Variants in SPOCK3 observed in about 807,000 individuals in gnomAD.
SPOCK3 encodes SPARC (osteonectin), cwcv and kazal like domains proteoglycan 3.
In SPOCK3, 30 loss-of-function variants were observed where a neutral mutation model predicts 56.6. The observed-to-expected ratio is 0.53, with a 90% CI of 0.40 to 0.72. The LOEUF is 0.72. SPOCK3 is among the 30% of genes least tolerant of loss of function. The pLI is 0.00. For missense variants in SPOCK3, 527 were observed against 530.0 expected (o/e 0.99, Z 0.06); for synonymous variants, 196 against 183.3 (o/e 1.07, Z -0.56).
chr4:166,775,006 C>A (rs1739369124), intron 7 of SPOCK3, among the ~76,000 whole-genome samples: 1 of 152,016 alleles, frequency 6.6e-6, no homozygotes, highest in Admixed American at 6.6e-5. Flanking sequence ...GAGTCAGAAA[C>A]CTTGGGAGGG....
intron 3 of SPOCK3, among the ~76,000 whole-genome samples, chr4:167,012,322 T>C (rs527665738): frequency 7.8e-4 from 119 of 151,972 alleles, no homozygotes; most frequent in Non-Finnish European, 1.4e-3. Flanking sequence ...AAAAGTTGTA[T>C]ATGTAAAAAT....
At position 167,059,991 on chromosome 4, in the gene SPOCK3, G is replaced by T. The variant is rs1755403439; in HGVS notation, c.235+2501C>A. Among the ~76,000 whole-genome samples, 5 of 151,146 alleles carry T rather than the reference G, an allele frequency of 3.3e-5. No homozygotes were observed. The South Asian group carries it at 1.1e-3, about 32-fold the overall frequency. ...CACAGGAAGGGGAACATCTCACTCT[G>T]GGACTGTTGTGGGGTGGGGGGAGTG... On this transcript the variant is annotated intron_variant, in intron 3 of 10. Transcript: ENST00000357545.
rs191699614 is a variant in SPOCK3 at position 167,186,837 on chromosome 4, C to T, written c.189+47148G>A. 5.9e-3 allele frequency among the ~76,000 whole-genome samples: 898 copies of T among 151,260 alleles called. 8 individuals carry two copies. Among genetic ancestry groups the T allele is most frequent in the African/African-American group, 0.02 (839 of 41,194 alleles). On this transcript the variant is annotated intron_variant, in intron 2 of 10. Coordinates refer to ENST00000357545, the MANE Select transcript of SPOCK3 (RefSeq NM_001040159.2). ...ACTAAAAATACAAAAATTAGCTGGG[C>T]GTGGTGGCACATGCCTGCAGTCCTA...
At chr4:166,969,999 A>G (rs1180329710) in intron 4 of SPOCK3, among the ~76,000 whole-genome samples, 2 of 152,228 alleles carry the variant, frequency 1.3e-5, no homozygotes, top group Non-Finnish European at 2.9e-5. Context: ...TGACCACATG[A>G]ATTTAGAAGT....
intron 3 of SPOCK3, among the ~76,000 whole-genome samples, chr4:167,002,518 G>A (rs1749043569): frequency 6.6e-6 from 1 of 151,986 alleles, no homozygotes; most frequent in South Asian, 2.1e-4. Context: ...TCCATACTAA[G>A]ATAATTTTTT....
chr4:166,847,856 A>G (rs1748265726), intron 6 of SPOCK3, among the ~76,000 whole-genome samples: 1 of 151,830 alleles, frequency 6.6e-6, no homozygotes, highest in Non-Finnish European at 1.5e-5. Flanking sequence ...TAAAGTTTTG[A>G]TAATTCAGAT....
chr4:167,017,245 G>A (rs530208037), intron 3 of SPOCK3, among the ~76,000 whole-genome samples: 1 of 152,202 alleles, frequency 6.6e-6, no homozygotes, highest in Non-Finnish European at 1.5e-5. Flanking sequence ...GTTACCATTT[G>A]TACAGTAACA....
intron 7 of SPOCK3, among the ~76,000 whole-genome samples, chr4:166,764,031 C>A (rs372597740): frequency 6.6e-6 from 1 of 151,918 alleles, no homozygotes; most frequent in Non-Finnish European, 1.5e-5. Context: ...AGTATTGGGG[C>A]CTTTGATGGT....
chr4:167,018,486 C>A (rs756747167), intron 3 of SPOCK3, among the ~76,000 whole-genome samples: 4 of 152,100 alleles, frequency 2.6e-5, no homozygotes, highest in East Asian at 1.9e-4. Flanking sequence ...TATAGCCATT[C>A]GCCCAGAATA....
chr4:167,128,296 C>A (rs921049748), intron 2 of SPOCK3, among the ~76,000 whole-genome samples: 4 of 152,164 alleles, frequency 2.6e-5, no homozygotes, highest in Admixed American at 6.5e-5. Flanking sequence ...AAAGTTAGTT[C>A]TTTTATTGCC....
At chr4:167,182,784 C>T (rs1296395425) in intron 2 of SPOCK3, among the ~76,000 whole-genome samples, 3 of 152,172 alleles carry the variant, frequency 2.0e-5, no homozygotes, top group Admixed American at 1.3e-4. Context: ...GATCTGCCCG[C>T]CTCAGCCTCC....
At chr4:166,817,831 T>A (rs985522720) in intron 6 of SPOCK3, among the ~76,000 whole-genome samples, 10 of 152,000 alleles carry the variant, frequency 6.6e-5, no homozygotes, top group Non-Finnish European at 1.2e-4. Context: ...ATTAAGAAAC[T>A]GTGACAGTGA....
intron 4 of SPOCK3, among the ~76,000 whole-genome samples, chr4:166,939,863 CTTGT>C (rs1740852884): frequency 2.6e-5 from 4 of 152,220 alleles, no homozygotes; most frequent in African/African-American, 9.6e-5. Flanking sequence ...ATTTATTTAT[CTTGT>C]TTAAGGCCAT....
chr4:167,171,016 A>G (rs531795732), intron 2 of SPOCK3, among the ~76,000 whole-genome samples: 1 of 152,242 alleles, frequency 6.6e-6, no homozygotes, highest in Admixed American at 6.5e-5. Context: ...TGCAAGCAAC[A>G]AAGAAGCAGA....
rs747347277 is a variant in SPOCK3, at chr4:167,082,935, G to A, written c.190-20398C>T. On this transcript the variant is annotated intron_variant, in intron 2 of 10. Transcript: ENST00000357545. Reference sequence around the variant, plus strand: ...AGAGAGAAAGGCCAACCGTGATACCGGAAACTGATCTGACTTCACAGCTCA... The same window carrying A: ...AGAGAGAAAGGCCAACCGTGATACCAGAAACTGATCTGACTTCACAGCTCA... Among the ~76,000 whole-genome samples the A allele has an allele frequency of 7.2e-5, 11 of 151,792 alleles. 1 individual carries two copies. Among genetic ancestry groups the A allele is most frequent in the South Asian group, 4.2e-4 (2 of 4,810 alleles).
rs553372714 is a variant in SPOCK3, at chr4:166,765,567, C to A, written c.710-10838G>T. On this transcript the variant is annotated intron_variant, in intron 7 of 10. Transcript: ENST00000357545. ...CTATATCTCTGTTTTGGTACCAGTACCATGCTGTTTTGGTTACTGTAGCCT... is the reference window on the plus strand; with the variant it reads ...CTATATCTCTGTTTTGGTACCAGTAACATGCTGTTTTGGTTACTGTAGCCT... Among the ~76,000 whole-genome samples, 16 of 152,250 alleles carry A rather than the reference C, an allele frequency of 1.1e-4. No individual in the cohort carries two copies. In the South Asian group the frequency reaches 3.3e-3, roughly 32 times the overall value.
intron 2 of SPOCK3, among the ~76,000 whole-genome samples, chr4:167,075,144 G>A (rs73861933): frequency 0.025 from 3,779 of 151,422 alleles, 138 homozygotes; most frequent in African/African-American, 0.086. Context: ...CACTTCTAAA[G>A]CTATTTGTCA....
intron 7 of SPOCK3, among the ~76,000 whole-genome samples, chr4:166,766,394 T>A (rs1449134179): frequency 6.6e-6 from 1 of 152,206 alleles, no homozygotes; most frequent in Non-Finnish European, 1.5e-5. Flanking sequence ...GTTTTTAGCA[T>A]GAAGGGCTGT....
chr4:167,145,209 A>G (rs1277237199), intron 2 of SPOCK3, among the ~76,000 whole-genome samples: 1 of 152,076 alleles, frequency 6.6e-6, no homozygotes, highest in Non-Finnish European at 1.5e-5. Context: ...TCATTTGAAT[A>G]AAGTAAAAGA....
Sources: gnomAD v4.1 joint callset for allele counts (sites outside exome capture counted in the v4.1 genomes callset) on GRCh38, gnomAD v4.1.1 for gene constraint, MANE v1.5 for transcripts, NCBI Gene and HGNC (gene_info 2026-07-23, HGNC 2026-07-21) for gene names.